Variants in CDH13 observed in about 807,000 individuals in gnomAD.
The protein encoded by CDH13 is cadherin-13.
CDH13 carries 24 observed loss-of-function variants against 63.8 expected under a neutral mutation model. The observed-to-expected ratio is 0.38, with a 90% CI of 0.27 to 0.53. The LOEUF (loss-of-function observed/expected upper bound fraction) is 0.53, where lower values mean the gene tolerates loss of function less well. CDH13 is among the 20% of genes least tolerant of loss of function. The pLI is 0.85. For missense variants in CDH13, 1,049 were observed against 903.1 expected, an observed-to-expected ratio of 1.16 and a Z score of -2.07; for synonymous variants, 503 against 355.3, an observed-to-expected ratio of 1.42 and a Z score of -4.67.
intron 1 of CDH13, among the ~76,000 whole-genome samples, chr16:82,689,393 A>G (rs1344310012): frequency 1.3e-5 from 2 of 152,160 alleles, no homozygotes; most frequent in African/African-American, 2.4e-5. Flanking sequence ...ATTTGGGTCC[A>G]TTATTAAGAC....
chr16:83,651,588 CTT>C (rs35237670), intron 8 of CDH13, among the ~76,000 whole-genome samples: 9,479 of 74,786 alleles, frequency 0.13, 127 homozygotes, highest in East Asian at 0.19. Flanking sequence ...TTATTTTCCT[CTT>C]TTTTTTTTTT....
intron 2 of CDH13, among the ~76,000 whole-genome samples, chr16:82,947,893 G>A (rs1904903670): frequency 6.6e-6 from 1 of 152,164 alleles, no homozygotes; most frequent in Admixed American, 6.5e-5. Context: ...AATTCATGAT[G>A]GAACTAGTTG....
chr16:82,703,671 A>C (rs998634872), intron 1 of CDH13, among the ~76,000 whole-genome samples: 5 of 152,156 alleles, frequency 3.3e-5, no homozygotes, highest in Non-Finnish European at 7.3e-5. Context: ...GACAAGGGAG[A>C]ATGGTAGAAA....
intron 3 of CDH13, among the ~76,000 whole-genome samples, chr16:83,070,311 T>C (rs1262824827): frequency 6.6e-6 from 1 of 152,194 alleles, no homozygotes; most frequent in Non-Finnish European, 1.5e-5. Context: ...GGGTGTTGGG[T>C]ACGATGACCT....
chr16:83,334,238 TTCTG>T (rs1413775282), intron 5 of CDH13, among the ~76,000 whole-genome samples: 2 of 151,922 alleles, frequency 1.3e-5, no homozygotes, highest in South Asian at 2.1e-4. Flanking sequence ...ATGCTAGTCT[TTCTG>T]TCTGTCTGTC....
chr16:82,989,488 G>A (rs112480426), intron 2 of CDH13, among the ~76,000 whole-genome samples: 5,826 of 152,252 alleles, frequency 0.038, 247 homozygotes, highest in African/African-American at 0.1. Context: ...GTAAGGCAGT[G>A]GCAAGGGTGA....
At chr16:83,395,162 A>AAAAG (rs2091863109) in intron 6 of CDH13, among the ~76,000 whole-genome samples, 1 of 150,796 alleles carries the variant, frequency 6.6e-6, no homozygotes, top group South Asian at 2.1e-4. Flanking sequence ...AAAAAAAAAA[A>AAAAG]AAATAGCTGG....
At chr16:83,084,020 A>G (rs1037582059) in intron 3 of CDH13, among the ~76,000 whole-genome samples, 3 of 152,216 alleles carry the variant, frequency 2.0e-5, no homozygotes, top group East Asian at 1.9e-4. Flanking sequence ...TGGACCTATC[A>G]TAATTTTTAC....
At chr16:82,698,308 T>C (rs1253513795) in intron 1 of CDH13, among the ~76,000 whole-genome samples, 1 of 152,234 alleles carries the variant, frequency 6.6e-6, no homozygotes, top group African/African-American at 2.4e-5. Flanking sequence ...TGGGATTGCT[T>C]GCTTTTAGTG....
intron 8 of CDH13, among the ~76,000 whole-genome samples, chr16:83,661,337 A>T (rs1677508397): frequency 6.6e-6 from 1 of 152,120 alleles, no homozygotes; most frequent in African/African-American, 2.4e-5. Context: ...AAATGTAAAA[A>T]TTAGCTTGGC....
chr16:82,677,833 G>T (rs1010303912), intron 1 of CDH13, among the ~76,000 whole-genome samples: 1 of 152,072 alleles, frequency 6.6e-6, no homozygotes, highest in Non-Finnish European at 1.5e-5. Context: ...AGTGGGTCCT[G>T]GTTAAGCCTG....
At chr16:83,179,537 A>G (rs1478709182) in intron 4 of CDH13, among the ~76,000 whole-genome samples, 4 of 149,344 alleles carry the variant, frequency 2.7e-5, no homozygotes, top group Non-Finnish European at 5.9e-5. Flanking sequence ...CTGTAGTCCC[A>G]GCTACTCGGG....
intron 2 of CDH13, among the ~76,000 whole-genome samples, chr16:82,982,642 C>A (rs1910429038): frequency 6.6e-6 from 1 of 152,132 alleles, no homozygotes; most frequent in South Asian, 2.1e-4. Context: ...AACTATTTGC[C>A]ATTGAAAGTA....
chr16:83,122,955 C>T (rs147346517), intron 3 of CDH13, among the ~76,000 whole-genome samples: 1 of 152,144 alleles, frequency 6.6e-6, no homozygotes, highest in African/African-American at 2.4e-5. Context: ...GAAGTCCCCA[C>T]TGTCTCTTAT....
At chr16:83,023,760 A>G (rs1597160562) in intron 2 of CDH13, among the ~76,000 whole-genome samples, 2 of 152,218 alleles carry the variant, frequency 1.3e-5, no homozygotes, top group South Asian at 4.1e-4. Context: ...AGTCAATAAC[A>G]TGAAACACAA....
chr16:82,670,761 C>T (rs1247421906), intron 1 of CDH13, among the ~76,000 whole-genome samples: 1 of 152,170 alleles, frequency 6.6e-6, no homozygotes, highest in East Asian at 1.9e-4. Flanking sequence ...CATTTGTCAT[C>T]AACGAGCAAT....
intron 1 of CDH13, among the ~76,000 whole-genome samples, chr16:82,758,431 C>T (rs867837632): frequency 2.0e-5 from 3 of 151,952 alleles, no homozygotes; most frequent in East Asian, 1.9e-4. Flanking sequence ...TTGATACCCC[C>T]CCCCCTTTGC....
At chr16:82,780,814 T>C (rs1782805757) in intron 1 of CDH13, among the ~76,000 whole-genome samples, 2 of 152,226 alleles carry the variant, frequency 1.3e-5, no homozygotes, top group African/African-American at 4.8e-5. Context: ...AGAAAAGACA[T>C]GTATAACACA....
chr16:82,639,336 C>T (rs954023319), intron 1 of CDH13: 8 of 1,504,130 alleles, frequency 5.3e-6, no homozygotes, highest in African/African-American at 1.4e-5. Context: ...TGTTCTTTGT[C>T]TCCATGTCCT....
Sources: gnomAD v4.1 joint callset for allele counts (sites outside exome capture counted in the v4.1 genomes callset) on GRCh38, gnomAD v4.1.1 for gene constraint, MANE v1.5 for transcripts, NCBI Gene and HGNC (gene_info 2026-07-23, HGNC 2026-07-21) for gene names.